GLIS3: variants seen among roughly 807,000 people sequenced by gnomAD.
GLIS3 encodes the protein GLIS family zinc finger 3, also known as zinc finger protein GLIS3.
A neutral mutation model predicts 78.6 loss-of-function variants in GLIS3; 53 were observed. The observed-to-expected ratio is 0.67, with a 90% CI of 0.54 to 0.85. The LOEUF (loss-of-function observed/expected upper bound fraction) is 0.85. Among genes scored for constraint, GLIS3 ranks in the 40% least tolerant of loss-of-function variants. The pLI, the probability that GLIS3 is intolerant of heterozygous loss-of-function variation, is 0.00. For missense variants in GLIS3, 1,703 were observed against 1,231.1 expected, an observed-to-expected ratio of 1.38 and a Z score of -5.74; for synonymous variants, 684 against 509.9, an observed-to-expected ratio of 1.34 and a Z score of -4.60.
intron 8 of GLIS3, among the ~76,000 whole-genome samples, chr9:3,872,377 A>C (rs1238914685): frequency 6.6e-6 from 1 of 152,146 alleles, no homozygotes; most frequent in Non-Finnish European, 1.5e-5. Context: ...GTAGCAATTT[A>C]CTTTATTAGT....
intron 3 of GLIS3, among the ~76,000 whole-genome samples, chr9:4,120,963 T>A (rs76216856): frequency 7.2e-5 from 11 of 152,378 alleles, no homozygotes; most frequent in Non-Finnish European, 1.5e-4. Flanking sequence ...TACTTAAATA[T>A]GGCTCAATCA....
chr9:3,951,881 C>T (rs1462543969), intron 4 of GLIS3, among the ~76,000 whole-genome samples: 1 of 150,616 alleles, frequency 6.6e-6, no homozygotes, highest in South Asian at 2.1e-4. Context: ...CACACACACA[C>T]ACACGCACGC....
At chr9:3,909,124 C>T (rs924386398) in intron 6 of GLIS3, among the ~76,000 whole-genome samples, 5 of 152,172 alleles carry the variant, frequency 3.3e-5, no homozygotes, top group African/African-American at 1.2e-4. Context: ...GAAGGAAAGA[C>T]AGTAGGATTT....
At chr9:4,063,060 T>C (rs1351689697) in intron 4 of GLIS3, among the ~76,000 whole-genome samples, 3 of 152,118 alleles carry the variant, frequency 2.0e-5, no homozygotes, top group South Asian at 4.1e-4. Flanking sequence ...CAGATTAATA[T>C]ACAGATGGCA....
chr9:4,261,701 T>G (rs1196374764), intron 2 of GLIS3, among the ~76,000 whole-genome samples: 1 of 152,176 alleles, frequency 6.6e-6, no homozygotes, highest in Non-Finnish European at 1.5e-5. Context: ...GCCTTTCATC[T>G]TTGTCAATGG....
At chr9:4,332,046 CTT>C (rs1401346372) in intron 2 of GLIS3, among the ~76,000 whole-genome samples, 1 of 152,176 alleles carries the variant, frequency 6.6e-6, no homozygotes, top group Non-Finnish European at 1.5e-5. Flanking sequence ...AATCTTCTCT[CTT>C]TTAGGTTAAA....
chr9:4,173,753 T>G (rs925050222), intron 2 of GLIS3, among the ~76,000 whole-genome samples: 1 of 152,106 alleles, frequency 6.6e-6, no homozygotes, highest in African/African-American at 2.4e-5. Context: ...TGTGCCACCA[T>G]GCCCAGTAAG....
At chr9:4,063,138 C>A (rs1246556014) in intron 4 of GLIS3, among the ~76,000 whole-genome samples, 1 of 152,030 alleles carries the variant, frequency 6.6e-6, no homozygotes, top group Non-Finnish European at 1.5e-5. Context: ...TCAGCACCAC[C>A]TTATGTCTGC....
chr9:4,391,537 C>G, the GLIS3 span, among the ~76,000 whole-genome samples: 15 of 147,488 alleles, frequency 1.0e-4, no homozygotes, highest in East Asian at 2.4e-3. Flanking sequence ...TAGATTTATT[C>G]CATTCTAAGA....
At chr9:4,102,314 G>C (rs1830429916) in intron 4 of GLIS3, among the ~76,000 whole-genome samples, 1 of 152,162 alleles carries the variant, frequency 6.6e-6, no homozygotes, top group Non-Finnish European at 1.5e-5. Context: ...GTCCTTGTGA[G>C]GCTGGGGAAG....
the GLIS3 span, among the ~76,000 whole-genome samples, chr9:4,402,803 G>A: frequency 3.3e-5 from 5 of 152,050 alleles, no homozygotes; most frequent in African/African-American, 1.2e-4. Context: ...AAAAAACAAG[G>A]AAGCATGCCT....
chr9:3,881,294 G>T (rs982804014), intron 7 of GLIS3, among the ~76,000 whole-genome samples: 3 of 151,974 alleles, frequency 2.0e-5, no homozygotes, highest in Admixed American at 1.3e-4. Context: ...TCCTGCTTCA[G>T]TGTAGAAATG....
the GLIS3 span, among the ~76,000 whole-genome samples, chr9:4,420,179 A>G: frequency 6.6e-6 from 1 of 152,348 alleles, no homozygotes; most frequent in South Asian, 2.1e-4. Flanking sequence ...ATTGAAAACC[A>G]CAGATTCTCA....
At chr9:4,244,223 G>C (rs746446283) in intron 2 of GLIS3, among the ~76,000 whole-genome samples, 9 of 152,178 alleles carry the variant, frequency 5.9e-5, no homozygotes, top group Admixed American at 2.0e-4. Context: ...CACCAGAATA[G>C]CTCATGTCCT....
chr9:4,416,259 A>ATTT, the GLIS3 span, among the ~76,000 whole-genome samples: 1 of 146,658 alleles, frequency 6.8e-6, no homozygotes, highest in East Asian at 1.9e-4. Flanking sequence ...TTTTAAAAAA[A>ATTT]AAAAAAAAAA....
rs1199031383 is a variant in GLIS3, at chr9:4,049,193, C to CAGAGA, written c.1710+68570_1710+68574dup. On this transcript the variant is annotated intron_variant, in intron 4 of 10. Transcript: ENST00000381971. ...GGAACTACTCCAGAAGTCTAGGATA[C>CAGAGA]AGAGAGATTTCCAGAGCTTCAGCCA... Among the ~76,000 whole-genome samples, 3 of 152,224 alleles carry CAGAGA rather than the reference C, an allele frequency of 2.0e-5. No individual in the cohort carries two copies. In the East Asian group the frequency reaches 5.8e-4, roughly 29 times the overall value.
intron 2 of GLIS3, among the ~76,000 whole-genome samples, chr9:4,149,819 G>A: frequency 6.6e-6 from 1 of 152,174 alleles, no homozygotes; most frequent in Non-Finnish European, 1.5e-5. Flanking sequence ...AAATAAGGTA[G>A]GATAAAAAAG....
At chr9:4,154,466 G>A (rs1444948940) in intron 2 of GLIS3, among the ~76,000 whole-genome samples, 1 of 152,150 alleles carries the variant, frequency 6.6e-6, no homozygotes, top group African/African-American at 2.4e-5. Context: ...AGAAGGCAAA[G>A]ATAAACAGAT....
intron 4 of GLIS3, among the ~76,000 whole-genome samples, chr9:4,090,696 C>T (rs571414222): frequency 6.6e-6 from 1 of 152,288 alleles, no homozygotes; most frequent in African/African-American, 2.4e-5. Flanking sequence ...TCCAGTGTTC[C>T]TTAGTTTCCG....
Sources: allele counts gnomAD v4.1 joint callset (sites outside exome capture counted in the v4.1 genomes callset), GRCh38; gene constraint gnomAD v4.1.1; transcripts MANE v1.5; gene names NCBI Gene and HGNC (gene_info 2026-07-23, HGNC 2026-07-21).